The following PDCD11 variants were observed in gnomAD, a reference collection of about 807,000 sequenced individuals.
The protein encoded by PDCD11 is protein RRP5 homolog.
A neutral mutation model predicts 198.9 loss-of-function variants in PDCD11; 97 were observed. That is an observed-to-expected ratio of 0.49 (90% confidence interval 0.41 to 0.58). The LOEUF is 0.58. PDCD11 is among the 20% of genes least tolerant of loss of function. The pLI, the probability that PDCD11 is intolerant of heterozygous loss-of-function variation, is 0.00. For missense variants in PDCD11, 2,102 were observed against 2,312.7 expected (o/e 0.91, Z 1.87); for synonymous variants, 893 against 918.0 (o/e 0.97, Z 0.49).
intron 16 of PDCD11, 91 bp downstream of exon 16, chr10:103,419,799 C>CT (rs558238293): frequency 0.011 from 10,695 of 1,002,380 alleles, 2 homozygotes; most frequent in South Asian, 0.013. Context: ...TACTTTATTC[C>CT]TTTTTTTTTT....
chr10:103,435,199 A>G (rs2032101353), intron 25 of PDCD11, among the ~76,000 whole-genome samples: 1 of 152,100 alleles, frequency 6.6e-6, no homozygotes, highest in South Asian at 2.1e-4. Flanking sequence ...CTTTATATAA[A>G]TAATAGAATA....
intron 33 of PDCD11, 90 bp from the exon 34 acceptor site, chr10:103,443,825 G>A: frequency 7.4e-7 from 1 of 1,349,078 alleles, no homozygotes; most frequent in Admixed American, 1.8e-5. Context: ...TGGGAGCCCA[G>A]GTCTAGCTTC....
chr10:103,402,648 A>G (rs1409515137), intron 3 of PDCD11, among the ~76,000 whole-genome samples: 1 of 152,118 alleles, frequency 6.6e-6, no homozygotes, highest in African/African-American at 2.4e-5. Context: ...CGTGTTGGCC[A>G]GGCTGCTCTC....
In PDCD11 at chr10:103,438,678, T is replaced by A; in HGVS notation, c.3903-8T>A. The A allele has an allele frequency of 6.2e-7, 1 of 1,614,170 alleles. No individual in the cohort carries two copies. Among genetic ancestry groups the A allele is most frequent in the Non-Finnish European group, 8.5e-7 (1 of 1,180,022 alleles). On this transcript the variant is annotated splice_region_variant and splice_polypyrimidine_tract_variant and intron_variant, in intron 26 of 35. Coordinates refer to ENST00000369797, the MANE Select transcript of PDCD11 (RefSeq NM_014976.2). ...AAAGGTGTGCATGTAAGCCTTTTAT[T>A]CCTTTAGAACAAACCCGGAGACGAA...
At position 103,440,777 on chromosome 10, in the gene PDCD11, A is replaced by G. The variant is rs1232805328; in HGVS notation, c.4484A>G (p.Glu1495Gly). 1 of 1,614,142 alleles carries G rather than the reference A, an allele frequency of 6.2e-7. No individual in the cohort carries two copies. Among genetic ancestry groups the G allele is most frequent in the Admixed American group, 1.7e-5 (1 of 60,030 alleles). The change falls in exon 30 of 36, where the codon GAG (glutamate) becomes GGG (glycine). Residue 1495 changes from glutamate to glycine, a missense_variant. Physicochemically the swap from Glu to Gly is moderately conservative, Grantham distance 98. Transcript: ENST00000369797. ...KKPKKAGLSE[E>G]DDSLVDVYYR... is the part of the protein sequence containing the mutation. ...CCAAAGAAAGCCGGCCTGTCAGAGG[A>G]GGACGACAGCCTTGTGGACGTGTAC...
intron 34 of PDCD11, 76 bp from the exon 35 acceptor site, chr10:103,444,441 C>A: frequency 7.1e-7 from 1 of 1,410,566 alleles, no homozygotes; most frequent in Non-Finnish European, 1.0e-6. Flanking sequence ...CAGGTGCACG[C>A]TGACCCTGCG....
chr10:103,416,420 G>C, intron 12 of PDCD11, 71 bp from the exon 13 acceptor site: 1 of 1,548,720 alleles, frequency 6.5e-7, no homozygotes, highest in Non-Finnish European at 8.8e-7. Flanking sequence ...GGGTTTAAGA[G>C]GTTGCAGAGA....
chr10:103,425,902 A>G (rs1251572373), intron 20 of PDCD11, among the ~76,000 whole-genome samples: 1 of 152,096 alleles, frequency 6.6e-6, no homozygotes, highest in Non-Finnish European at 1.5e-5. Flanking sequence ...GATGGTCTCA[A>G]TCTCCTGACC....
chr10:103,426,769 G>C (rs1052903723), intron 20 of PDCD11, among the ~76,000 whole-genome samples: 1 of 150,694 alleles, frequency 6.6e-6, no homozygotes, highest in African/African-American at 2.4e-5. Flanking sequence ...CTGGGCAAGA[G>C]AGTGAGACTC....
At chr10:103,442,753 C>T (rs567761637) in intron 32 of PDCD11, among the ~76,000 whole-genome samples, 29 of 152,360 alleles carry the variant, frequency 1.9e-4, no homozygotes, top group Middle Eastern at 3.4e-3. Context: ...AAAGAACTCA[C>T]TACATACCTG....
rs1319302475 is a variant in PDCD11, at chr10:103,434,856, C to T, written c.3726C>T (p.Pro1242=). The T allele has an allele frequency of 6.2e-6, 10 of 1,612,716 alleles. No homozygotes were observed. The highest frequency in any genetic ancestry group is 8.5e-6 in the Non-Finnish European group (10 of 1,179,474). Residue 1242 remains proline (P), a synonymous_variant, in exon 25 of 36, where the codon CCC becomes CCT. Transcript: ENST00000369797. ...TGGGCCGAGTGGTGAAGGTGACTCC[C>T]AACGAGGGGCTGACCGTCTCCTTCC... ...VAMGRVVKVT[P]NEGLTVSFPF...
intron 11 of PDCD11, 112 bp from the exon 12 acceptor site, chr10:103,414,893 C>T (rs2031015567): frequency 3.8e-6 from 4 of 1,064,216 alleles, no homozygotes; most frequent in East Asian, 2.4e-5. Flanking sequence ...ATAACAGGCA[C>T]AGTTAGCCCA....
At chr10:103,405,424 G>A (rs2030387884) in intron 5 of PDCD11, 4 of 331,010 alleles carry the variant, frequency 1.2e-5, no homozygotes, top group Non-Finnish European at 1.7e-5. Flanking sequence ...TTTTTTTTGA[G>A]TCGGAGTTTC....
intron 3 of PDCD11, among the ~76,000 whole-genome samples, chr10:103,402,768 G>A (rs1216609929): frequency 6.8e-6 from 1 of 147,596 alleles, no homozygotes; most frequent in Non-Finnish European, 1.5e-5. Context: ...TTGAGATAGG[G>A]TGTCACTTTG....
chr10:103,445,386 T>G lies in PDCD11; in HGVS notation c.5453T>G (p.Phe1818Cys). 6.2e-7 allele frequency: 1 copy of G among 1,614,200 alleles called. No individual in the cohort carries two copies. The highest frequency in any genetic ancestry group is 8.5e-7 in the Non-Finnish European group (1 of 1,180,036). Reference protein sequence around the residue: ...HGSQKDVRDIFERVIHLSLAP... With the variant: ...HGSQKDVRDICERVIHLSLAP... Reference sequence around the variant, plus strand: ...CTGCTTTTCCTCAACAGGGACATCTTTGAGCGGGTCATTCATCTGAGCTTG... The same window carrying G: ...CTGCTTTTCCTCAACAGGGACATCTGTGAGCGGGTCATTCATCTGAGCTTG... The change falls in exon 36 of 36, where the codon TTT becomes TGT. Residue 1818 changes from phenylalanine (F) to cysteine (C), a missense_variant. By Grantham distance (205) the Phe-to-Cys change is radical (BLOSUM62 -2). Transcript: ENST00000369797.
chr10:103,412,698 A>G (rs538902949), intron 8 of PDCD11, among the ~76,000 whole-genome samples: 1 of 152,280 alleles, frequency 6.6e-6, no homozygotes, highest in Admixed American at 6.5e-5. Flanking sequence ...TCCTGATCTC[A>G]AGTGATCTGC....
chr10:103,417,680 C>A, intron 13 of PDCD11, 112 bp from the exon 14 acceptor site: 1 of 1,164,134 alleles, frequency 8.6e-7, no homozygotes, highest in Non-Finnish European at 1.2e-6. Context: ...CTGATCTGAT[C>A]CAAAGGCTCG....
rs1222470807 is a variant in PDCD11, at chr10:103,423,035, C to CT, written c.2547dup (p.Asp850Ter). 6.2e-7 allele frequency: 1 copy of CT among 1,603,594 alleles called. No individual in the cohort carries two copies. Among genetic ancestry groups the CT allele is most frequent in the Non-Finnish European group, 8.5e-7 (1 of 1,174,650 alleles). ...GGCCGAGATGACCCCAGGAATGTTC[C>CT]TTGACCTAGTGGTGCAGGAGGTGTT... On this transcript the variant is annotated frameshift_variant, in exon 18 of 36. Coordinates refer to ENST00000369797, the MANE Select transcript of PDCD11 (RefSeq NM_014976.2). LOFTEE classifies it high-confidence loss of function.
rs756220721 is a variant in PDCD11, at chr10:103,427,360, C to T, written c.3337C>T (p.Arg1113Ter). 1.1e-5 allele frequency: 18 copies of T among 1,612,820 alleles called. No homozygotes were observed. Among genetic ancestry groups the T allele is most frequent in the Admixed American group, 1.7e-5 (1 of 59,900 alleles). Residue 1113 changes from arginine (R) to a stop codon, truncating the protein, a stop_gained, in exon 21 of 36, where the codon CGA (arginine) becomes TGA (stop). Coordinates refer to ENST00000369797, the MANE Select transcript of PDCD11 (RefSeq NM_014976.2). LOFTEE classifies it high-confidence loss of function. ...CCCAATAAGTCACCCCAGATTCGTT[C>T]GAACCATCCCGGAGCTGAGTGTTCG... ...YLPISHPRFV[R>*]TIPELSVRPS...
Sources: allele counts gnomAD v4.1 joint callset (sites outside exome capture counted in the v4.1 genomes callset), GRCh38; gene constraint gnomAD v4.1.1; transcripts MANE v1.5; gene names NCBI Gene and HGNC (gene_info 2026-07-23, HGNC 2026-07-21).